Variants in PTPRQ observed in about 807,000 individuals in gnomAD.
PTPRQ encodes the protein phosphatidylinositol phosphatase PTPRQ.
Under a neutral mutation model 246.0 loss-of-function variants are expected in PTPRQ, and 199 were observed. That is an observed-to-expected ratio of 0.81 (90% CI 0.72 to 0.91). The LOEUF (loss-of-function observed/expected upper bound fraction) is 0.91. Among genes scored for constraint, PTPRQ ranks in the 40% least tolerant of loss-of-function variants. PTPRQ has a pLI of 0.00. For missense variants in PTPRQ, 2,624 were observed against 2,528.4 expected (o/e 1.04, Z -0.81); for synonymous variants, 869 against 853.2 (o/e 1.02, Z -0.32).
At chr12:80,675,392 C>T (rs943282225) in intron 43 of PTPRQ, among the ~76,000 whole-genome samples, 4 of 152,158 alleles carry the variant, frequency 2.6e-5, no homozygotes, top group African/African-American at 9.7e-5. Flanking sequence ...ATCAATCCAA[C>T]TATTACTCAT....
intron 6 of PTPRQ, chr12:80,465,227 C>T (rs1280122929): frequency 1.3e-5 from 2 of 151,940 alleles, no homozygotes; most frequent in Non-Finnish European, 2.9e-5. Context: ...CTACAAACAC[C>T]TCTATGCAAA....
At chr12:80,494,749 G>A (rs1160177302) in intron 10 of PTPRQ, among the ~76,000 whole-genome samples, 184 bp from the exon 11 acceptor site, 5 of 151,846 alleles carry the variant, frequency 3.3e-5, no homozygotes, top group African/African-American at 7.3e-5. Flanking sequence ...TATTCAATAC[G>A]ATCTCTAAAA....
chr12:80,597,769 C>T (rs147613008), intron 26 of PTPRQ, among the ~76,000 whole-genome samples: 19 of 152,084 alleles, frequency 1.2e-4, no homozygotes, highest in African/African-American at 4.6e-4. Flanking sequence ...AAGCCCCACA[C>T]TCACGGTTTT....
In PTPRQ at chr12:80,534,945, A is replaced by G. The variant is rs981653265; in HGVS notation, c.2893A>G (p.Ile965Val). ...VYYANLSSSSIILFWTPPSKP... is the reference protein window; with the variant it reads ...VYYANLSSSSVILFWTPPSKP... ...TTATGCAAACCTCAGTTCTTCATCA[A>G]TAATTCTTTTCTGGACACCTCCTTC... The change falls in exon 19 of 45, where the codon ATA becomes GTA. Residue 965 changes from isoleucine (I) to valine (V), a missense_variant. By Grantham distance (29) the Ile-to-Val change is conservative (BLOSUM62 3). Coordinates refer to ENST00000644991, the MANE Select transcript of PTPRQ (RefSeq NM_001145026.2). 9 of 1,550,238 alleles carry G rather than the reference A, an allele frequency of 5.8e-6. No individual in the cohort carries two copies. Among genetic ancestry groups the G allele is most frequent in the South Asian group, 1.2e-5 (1 of 83,828 alleles).
intron 26 of PTPRQ, among the ~76,000 whole-genome samples, chr12:80,596,952 A>G (rs1048860443): frequency 2.0e-5 from 3 of 152,018 alleles, no homozygotes; most frequent in African/African-American, 4.8e-5. Context: ...TACTTAAAAC[A>G]TTGATTCATT....
chr12:80,510,369 T>A lies in PTPRQ; in HGVS notation c.2604T>A (p.Gly868=). 6.4e-7 allele frequency: 1 copy of A among 1,550,542 alleles called. No individual in the cohort carries two copies. Among genetic ancestry groups the A allele is most frequent in the Non-Finnish European group, 8.7e-7 (1 of 1,146,192 alleles). The part of the protein sequence containing the change: ...PQDFSVKQLS[G]VTVKLSWQPP... ...ACTTCTCTGTAAAACAGTTGTCTGG[T>A]GTCACGGTGAAGTTGTCATGGCAAC... is the stretch of plus-strand genomic sequence containing the variant. The change falls in exon 17 of 45, where the codon GGT becomes GGA. Residue 868 remains glycine (G), a synonymous_variant. Coordinates refer to ENST00000644991, the MANE Select transcript of PTPRQ (RefSeq NM_001145026.2).
At chr12:80,673,061 G>A in intron 42 of PTPRQ, 108 bp from the exon 43 acceptor site, 2 of 1,418,092 alleles carry the variant, frequency 1.4e-6, no homozygotes, top group Non-Finnish European at 1.9e-6. Flanking sequence ...CTCCAAATAA[G>A]AGAAGAAACT....
chr12:80,520,527 C>G (rs1322806245), intron 17 of PTPRQ, among the ~76,000 whole-genome samples: 27 of 110,088 alleles, frequency 2.5e-4, no homozygotes, highest in Non-Finnish European at 4.0e-4. Context: ...CACCCCACAA[C>G]AGGCCCCGGT....
chr12:80,567,647 TGA>T (rs1897018795), intron 25 of PTPRQ, among the ~76,000 whole-genome samples: 1 of 152,230 alleles, frequency 6.6e-6, no homozygotes, highest in African/African-American at 2.4e-5. Flanking sequence ...CTGTTAGTGT[TGA>T]GTCATTTTCC....
intron 25 of PTPRQ, among the ~76,000 whole-genome samples, chr12:80,559,020 C>G (rs1318557708): frequency 2.6e-5 from 4 of 152,016 alleles, no homozygotes; most frequent in Non-Finnish European, 4.4e-5. Flanking sequence ...ATGATTTTTG[C>G]CAGGCTGTAG....
intron 8 of PTPRQ, among the ~76,000 whole-genome samples, chr12:80,480,180 A>G (rs1893986452): frequency 6.6e-6 from 1 of 152,156 alleles, no homozygotes; most frequent in Non-Finnish European, 1.5e-5. Context: ...TATCTCTGAG[A>G]CCACAGTGCA....
intron 25 of PTPRQ, among the ~76,000 whole-genome samples, chr12:80,580,478 A>G (rs1200557842): frequency 3.3e-5 from 5 of 152,154 alleles, no homozygotes; most frequent in Admixed American, 6.5e-5. Context: ...TCCATGCTGA[A>G]ATGAGTGTAA....
rs1478519011 is a variant in PTPRQ, at chr12:80,620,173, A to C, written c.5409A>C (p.Val1803=). 6.5e-7 allele frequency: 1 copy of C among 1,546,360 alleles called. No homozygotes were observed. Among genetic ancestry groups the C allele is most frequent in the Non-Finnish European group, 8.7e-7 (1 of 1,144,168 alleles). Residue 1803 remains valine (V), a synonymous_variant, in exon 32 of 45, where the codon GTA becomes GTC. Coordinates refer to ENST00000644991, the MANE Select transcript of PTPRQ (RefSeq NM_001145026.2). ...AAACAGCTCAGCATGATGGAAATGT[A>C]ACAAAGTGGTATGATGCATATTTTA... ...TETGAQHDGN[V]TKWYDAYFNK...
At chr12:80,647,834 C>T (rs556996419) in intron 35 of PTPRQ, among the ~76,000 whole-genome samples, 1 of 152,186 alleles carries the variant, frequency 6.6e-6, no homozygotes, top group East Asian at 1.9e-4. Flanking sequence ...ATGGAATAGT[C>T]TATCACTTTA....
In PTPRQ at chr12:80,499,599, G is replaced by C. The variant is rs191200548; in HGVS notation, c.2272+3068G>C. On this transcript the variant is annotated intron_variant, in intron 14 of 44. Transcript: ENST00000644991. ...CCCACTCTTCAATATTGTTTCATGA[G>C]AAATTGAGTGATGTGTTAACTCAGT... is the stretch of plus-strand genomic sequence containing the variant. Among the ~76,000 whole-genome samples, 746 of 152,040 alleles carry C rather than the reference G, an allele frequency of 4.9e-3. 5 individuals are homozygous for C. The highest frequency in any genetic ancestry group is 0.017 in the African/African-American group (705 of 41,500).
chr12:80,631,049 C>T (rs1436820904), intron 33 of PTPRQ, among the ~76,000 whole-genome samples: 2 of 152,238 alleles, frequency 1.3e-5, no homozygotes, highest in African/African-American at 4.8e-5. Context: ...ACTCCTTTAA[C>T]ATTTATGCAG....
intron 26 of PTPRQ, among the ~76,000 whole-genome samples, chr12:80,593,360 AT>A (rs1255144177): frequency 6.6e-6 from 1 of 152,210 alleles, no homozygotes; most frequent in African/African-American, 2.4e-5. Flanking sequence ...ATCATTAACT[AT>A]CTGAGCCCAT....
rs554765736 is a variant in PTPRQ at position 80,460,826 on chromosome 12, A to G, written c.834A>G (p.Thr278=). 1.5e-5 allele frequency: 6 copies of G among 400,600 alleles called. No homozygotes were observed. Among genetic ancestry groups the G allele is most frequent in the Non-Finnish European group, 2.7e-5 (6 of 226,224 alleles). The allele number at this position is 400,600 out of a possible 1,614,324, so 24.8% of individuals were successfully genotyped here. The change falls in exon 6 of 45, where the codon ACA becomes ACG. Residue 278 remains threonine (T), a synonymous_variant. Coordinates refer to ENST00000644991, the MANE Select transcript of PTPRQ (RefSeq NM_001145026.2). ...FVVTHLRPYT[T]YLFEVSAATT... ...TGACACACTTGAGACCTTATACAAC[A>G]TATCTTTTTGAAGTTTCAGCTGCTA...
rs563278195 is a variant in PTPRQ at position 80,481,239 on chromosome 12, T to C, written c.1187-3194T>C. On this transcript the variant is annotated intron_variant, in intron 8 of 44. Coordinates refer to ENST00000644991, the MANE Select transcript of PTPRQ (RefSeq NM_001145026.2). The stretch of plus-strand genomic sequence containing the variant: ...TTCAATATATTAAAATCAATAAACA[T>C]AATCCAGCATATAAACAGAACCAAA... Among the ~76,000 whole-genome samples the C allele has an allele frequency of 9.8e-5, 15 of 152,286 alleles. No homozygotes were observed. The South Asian group carries it at 3.1e-3, about 32-fold the overall frequency.
Sources: allele counts gnomAD v4.1 joint callset (sites outside exome capture counted in the v4.1 genomes callset), GRCh38; gene constraint gnomAD v4.1.1; transcripts MANE v1.5; gene names NCBI Gene and HGNC (gene_info 2026-07-23, HGNC 2026-07-21).